Variants in GABRB3 observed in about 807,000 individuals in gnomAD.
GABRB3 encodes the protein gamma-aminobutyric acid type A receptor subunit beta3, also known as gamma-aminobutyric acid receptor subunit beta-3.
GABRB3 carries 14 observed loss-of-function variants against 52.1 expected under a neutral mutation model. That is an observed-to-expected ratio of 0.27 (90% confidence interval 0.18 to 0.42). The LOEUF (loss-of-function observed/expected upper bound fraction) is 0.42, where lower values mean the gene tolerates loss of function less well. Ranked by LOEUF, GABRB3 falls within the 10% of genes least tolerant of loss-of-function variation. The pLI, the probability that GABRB3 is intolerant of heterozygous loss-of-function variation, is 1.00. For synonymous variants in GABRB3, 260 were observed against 232.3 expected (o/e 1.12, Z -1.08); for missense variants, 307 against 609.1 (o/e 0.50, Z 5.22).
chr15:26,550,047 G>A (rs1296116770), intron 8 of GABRB3: 7 of 152,124 alleles, frequency 4.6e-5, no homozygotes, highest in African/African-American at 7.2e-5. Flanking sequence ...AAGTGACTTT[G>A]TGCATGTCAT....
At chr15:26,625,388 C>T in intron 3 of GABRB3, 1 of 666,796 alleles carries the variant, frequency 1.5e-6, no homozygotes, top group African/African-American at 2.0e-5. Context: ...GTATCCTTTT[C>T]TTCAATGCAT....
At chr15:26,691,325 T>C (rs1405268019) in intron 3 of GABRB3, among the ~76,000 whole-genome samples, 1 of 152,118 alleles carries the variant, frequency 6.6e-6, no homozygotes, top group African/African-American at 2.4e-5. Flanking sequence ...GAAAGAACCA[T>C]CAAGATGCAA....
At chr15:26,682,912 G>C (rs577612324) in intron 3 of GABRB3, among the ~76,000 whole-genome samples, 8 of 152,310 alleles carry the variant, frequency 5.3e-5, no homozygotes, top group East Asian at 1.9e-4. Flanking sequence ...GGAGCCCAAA[G>C]AGCAGCTCCT....
intron 3 of GABRB3, among the ~76,000 whole-genome samples, chr15:26,736,995 C>T (rs1338044333): frequency 2.6e-5 from 4 of 152,214 alleles, no homozygotes; most frequent in Non-Finnish European, 5.9e-5. Flanking sequence ...TTGGGTTTAA[C>T]GTCCTTGATT....
chr15:26,599,147 A>G (rs1257278820), intron 4 of GABRB3, among the ~76,000 whole-genome samples: 2 of 152,220 alleles, frequency 1.3e-5, no homozygotes, highest in African/African-American at 4.8e-5. Context: ...ACTTTAGAAA[A>G]GTGAAGGGGC....
In GABRB3 at chr15:26,773,054, C is replaced by T; in HGVS notation, c.-92G>A. 1 of 1,082,202 alleles carries T rather than the reference C, an allele frequency of 9.2e-7. No individual in the cohort carries two copies. 67.0% of individuals were successfully genotyped at this position (1,082,202 alleles called of 1,614,324 possible). A position where few individuals can be genotyped will look rare whatever the true frequency, so the allele number is the denominator to read the frequency against. ...GCTCCTGCTGCTGCCGCCGCCGCCG[C>T]CGCCGCCGCGCTGGCCCGGAGCGGA... On this transcript the variant is annotated 5_prime_UTR_variant, in exon 1 of 9. Transcript: ENST00000311550.
At chr15:26,742,697 C>G (rs898254125) in intron 3 of GABRB3, among the ~76,000 whole-genome samples, 1 of 152,160 alleles carries the variant, frequency 6.6e-6, no homozygotes, top group Non-Finnish European at 1.5e-5. Context: ...GACTGACCTG[C>G]CCTCGTTTCC....
intron 4 of GABRB3, among the ~76,000 whole-genome samples, chr15:26,587,980 T>G (rs1891056177): frequency 6.6e-6 from 1 of 152,174 alleles, no homozygotes; most frequent in Admixed American, 6.5e-5. Context: ...AGTATTACTC[T>G]TCAGTAGGTT....
chr15:26,772,870 C>T lies in GABRB3; in HGVS notation c.80+13G>A, dbSNP rs749065228. On this transcript the variant is annotated intron_variant, in intron 1 of 8. Transcript: ENST00000311550. ...GCCCTGCCCGCCGCCCGCCGGCCCA[C>T]CCGCGACCCTACCTCTGGGCGCAGC... 1.3e-5 allele frequency: 19 copies of T among 1,463,262 alleles called. 1 individual carries two copies. The African/African-American group carries it at 2.4e-4, about 18-fold the overall frequency. 90.6% of individuals were successfully genotyped at this position (1,463,262 alleles called of 1,614,324 possible).
At chr15:26,619,265 A>C (rs1892382528) in intron 4 of GABRB3, among the ~76,000 whole-genome samples, 1 of 151,740 alleles carries the variant, frequency 6.6e-6, no homozygotes, top group Non-Finnish European at 1.5e-5. Flanking sequence ...CTTGGAACCA[A>C]CCCAAATGTC....
At chr15:26,597,098 T>C (rs1891420408) in intron 4 of GABRB3, among the ~76,000 whole-genome samples, 1 of 152,168 alleles carries the variant, frequency 6.6e-6, no homozygotes, top group Admixed American at 6.5e-5. Context: ...AATCCATTCA[T>C]GAGGACAGAG....
chr15:26,654,602 T>C lies in GABRB3; in HGVS notation c.241-33068A>G, dbSNP rs1005845508. On this transcript the variant is annotated intron_variant, in intron 3 of 8. Transcript: ENST00000311550. ...AGACCCCGTCTCTCCAAGAAATAAA[T>C]TTAAAAAAATTAGCCAGCAGAGGTG... 7.9e-5 allele frequency among the ~76,000 whole-genome samples: 12 copies of C among 151,944 alleles called. No individual in the cohort carries two copies. In the South Asian group the frequency reaches 2.3e-3, roughly 29 times the overall value.
rs1889257842 is a variant in GABRB3 at position 26,710,488 on chromosome 15, C to T, written c.240+61914G>A. Among the ~76,000 whole-genome samples, 7 of 152,232 alleles carry T rather than the reference C, an allele frequency of 4.6e-5. No individual in the cohort carries two copies. The South Asian group carries it at 1.5e-3, about 32-fold the overall frequency. ...TGTTGGCCAGGCTGGTCTCGAACTC[C>T]TAACCTCAAGTGATCCTCCCACCTT... On this transcript the variant is annotated intron_variant, in intron 3 of 8. Transcript: ENST00000311550.
chr15:26,691,459 A>G (rs1206198452), intron 3 of GABRB3, among the ~76,000 whole-genome samples: 1 of 152,156 alleles, frequency 6.6e-6, no homozygotes, highest in East Asian at 1.9e-4. Flanking sequence ...CCTTCCATTC[A>G]TTACATCCAC....
At chr15:26,761,222 G>A (rs1450569640) in intron 3 of GABRB3, among the ~76,000 whole-genome samples, 4 of 151,990 alleles carry the variant, frequency 2.6e-5, no homozygotes, top group Admixed American at 6.6e-5. Flanking sequence ...GTGAAACCCC[G>A]TCTCTACTAA....
chr15:26,625,108 G>C, intron 3 of GABRB3: 1 of 319,652 alleles, frequency 3.1e-6, no homozygotes. Flanking sequence ...CCGGGATAGT[G>C]GAACTTGAAG....
intron 6 of GABRB3, among the ~76,000 whole-genome samples, chr15:26,578,924 C>T (rs539704858): frequency 2.9e-4 from 44 of 152,342 alleles, no homozygotes; most frequent in Non-Finnish European, 5.3e-4. Context: ...TCTCATTTCT[C>T]CCTGAGGTAA....
chr15:26,694,118 A>C (rs1365007709), intron 3 of GABRB3, among the ~76,000 whole-genome samples: 1 of 152,204 alleles, frequency 6.6e-6, no homozygotes, highest in East Asian at 1.9e-4. Flanking sequence ...AAATTTTTAT[A>C]AAAGAAATCA....
chr15:26,662,776 T>A (rs950959756), intron 3 of GABRB3, among the ~76,000 whole-genome samples: 9 of 152,134 alleles, frequency 5.9e-5, no homozygotes. Flanking sequence ...CACAGTCACA[T>A]GAGGATAGGA....
Sources: gnomAD v4.1 joint callset for allele counts (sites outside exome capture counted in the v4.1 genomes callset) on GRCh38, gnomAD v4.1.1 for gene constraint, MANE v1.5 for transcripts, NCBI Gene and HGNC (gene_info 2026-07-23, HGNC 2026-07-21) for gene names.